Variants in SGCE observed in about 807,000 individuals in gnomAD.
The protein encoded by SGCE is sarcoglycan epsilon.
Under a neutral mutation model 57.8 loss-of-function variants are expected in SGCE, and 26 were observed. The observed-to-expected ratio is 0.45, with a 90% CI of 0.33 to 0.62. The LOEUF (loss-of-function observed/expected upper bound fraction) is 0.62, where lower values mean the gene tolerates loss of function less well. SGCE is among the 20% of genes least tolerant of loss of function. The pLI, the probability that SGCE is intolerant of heterozygous loss-of-function variation, is 0.02. For synonymous variants in SGCE, 183 were observed against 189.5 expected (o/e 0.97, Z 0.28); for missense variants, 468 against 548.6 (o/e 0.85, Z 1.47).
chr7:94,629,913 G>A (rs957341352), intron 1 of SGCE, 72 bp from the exon 2 acceptor site: 131 of 1,573,742 alleles, frequency 8.3e-5, no homozygotes, highest in Non-Finnish European at 1.1e-4. Context: ...TTCAGCTTAC[G>A]CTGTTTATAA....
At chr7:94,618,733 G>C in intron 5 of SGCE, 25 bp downstream of exon 5, 2 of 1,576,856 alleles carry the variant, frequency 1.3e-6, no homozygotes, top group Non-Finnish European at 1.7e-6. Context: ...CTATATTTAA[G>C]GCAATGAGAT....
intron 1 of SGCE, among the ~76,000 whole-genome samples, chr7:94,633,844 C>G (rs996336360): frequency 2.0e-5 from 3 of 152,172 alleles, no homozygotes; most frequent in Non-Finnish European, 4.4e-5. Flanking sequence ...TCACAATTCT[C>G]ACAATGATTA....
intron 3 of SGCE, chr7:94,625,537 T>A (rs1384143130): frequency 3.3e-5 from 5 of 152,114 alleles, no homozygotes; most frequent in African/African-American, 7.2e-5. Flanking sequence ...CTGGATTTGG[T>A]GTTTAACGAT....
chr7:94,595,488 G>T (rs961294155), intron 9 of SGCE, among the ~76,000 whole-genome samples: 1 of 152,110 alleles, frequency 6.6e-6, no homozygotes, highest in African/African-American at 2.4e-5. Flanking sequence ...TAGTATGAAT[G>T]TGAAGATGAA....
chr7:94,654,831 CTG>C (rs1457696747), intron 1 of SGCE, among the ~76,000 whole-genome samples: 3 of 152,192 alleles, frequency 2.0e-5, no homozygotes. Flanking sequence ...AGCGTTTCAT[CTG>C]TGTTTCAGAA....
intron 1 of SGCE, chr7:94,639,366 T>G: frequency 6.5e-7 from 1 of 1,534,372 alleles, no homozygotes; most frequent in Non-Finnish European, 8.7e-7. Flanking sequence ...CAGCCATTTT[T>G]CTGCTGATAA....
chr7:94,628,388 A>C, intron 2 of SGCE, 29 bp from the exon 3 acceptor site: 1 of 1,560,194 alleles, frequency 6.4e-7, no homozygotes, highest in Non-Finnish European at 8.8e-7. Flanking sequence ...ATTAAGACAT[A>C]AGACAGTTAT....
At position 94,588,155 on chromosome 7, in the gene SGCE, G is replaced by A. The variant is rs1003755625; in HGVS notation, c.1297+534C>T. ...CACTTGAAAGAAATAAAGAAAGCAA[G>A]TCTTAGGGAAATAGAATAATCCAAG... On this transcript the variant is annotated intron_variant, in intron 10 of 10. Coordinates refer to ENST00000648936, the MANE Select transcript of SGCE (RefSeq NM_003919.3). 4 of 1,116,890 alleles carry A rather than the reference G, an allele frequency of 3.6e-6. No individual in the cohort carries two copies. In the African/African-American group the frequency reaches 4.9e-5, roughly 14 times the overall value. 69.2% of individuals were successfully genotyped at this position (1,116,890 alleles called of 1,614,324 possible).
chr7:94,586,243 G>T (rs940697361), intron 10 of SGCE, among the ~76,000 whole-genome samples: 2 of 152,042 alleles, frequency 1.3e-5, no homozygotes, highest in Admixed American at 1.3e-4. Flanking sequence ...GAAAACTCCA[G>T]TTACTGTTTG....
At chr7:94,644,582 A>G (rs1181733368) in intron 1 of SGCE, 1 of 1,166,958 alleles carries the variant, frequency 8.6e-7, no homozygotes, top group African/African-American at 1.6e-5. Context: ...GCCAAATGAA[A>G]TTTAATCTGA....
At position 94,618,814 on chromosome 7, in the gene SGCE, TG is replaced by T; in HGVS notation, c.605del (p.Thr202AsnfsTer4). ...CCCTGCCACCCCTGTCTAGGGCCGA[TG>T]TGATGTTTATGGCGTTCAGGCGCTC... ...QPERLNAINI[T>X]SALDRGGRVP... On this transcript the variant is annotated frameshift_variant, in exon 5 of 11. Coordinates refer to ENST00000648936, the MANE Select transcript of SGCE (RefSeq NM_003919.3). LOFTEE classifies it high-confidence loss of function. 6.2e-7 allele frequency: 1 copy of T among 1,614,112 alleles called. No homozygotes were observed. Among genetic ancestry groups the T allele is most frequent in the Non-Finnish European group, 8.5e-7 (1 of 1,179,976 alleles).
chr7:94,648,300 G>A (rs550569662), intron 1 of SGCE, among the ~76,000 whole-genome samples: 3 of 149,184 alleles, frequency 2.0e-5, no homozygotes, highest in African/African-American at 4.9e-5. Context: ...ACTTGAACCC[G>A]GGAGGCGGAG....
chr7:94,623,203 T>C (rs987628891), intron 4 of SGCE, 122 bp downstream of exon 4: 3 of 600,730 alleles, frequency 5.0e-6, no homozygotes, highest in Non-Finnish European at 8.8e-6. Flanking sequence ...TATATCTTAT[T>C]ATTTCATCAG....
intron 3 of SGCE, chr7:94,624,029 CAA>C (rs537194183): frequency 1.2e-3 from 484 of 393,586 alleles, no homozygotes; most frequent in Admixed American, 2.2e-3. Flanking sequence ...AGACTTACAT[CAA>C]AGTCAATTCA....
At chr7:94,624,191 GTCAAAATC>G in intron 3 of SGCE, 3 of 393,588 alleles carry the variant, frequency 7.6e-6, no homozygotes, top group Non-Finnish European at 1.3e-5. Flanking sequence ...AAATGATTGT[GTCAAAATC>G]TTAGAATCCC....
At chr7:94,603,533 T>TA (rs2116726105) in intron 5 of SGCE, 81 bp from the exon 6 acceptor site, 1 of 1,371,112 alleles carries the variant, frequency 7.3e-7, no homozygotes, top group African/African-American at 1.4e-5. Context: ...AAGCAGGATT[T>TA]AGCCTTTTGA....
At chr7:94,586,428 G>A (rs1246784018) in intron 10 of SGCE, 3 of 152,100 alleles carry the variant, frequency 2.0e-5, no homozygotes, top group Non-Finnish European at 4.4e-5. Context: ...TGAACAGAAT[G>A]GAAATAAGGA....
At chr7:94,650,169 G>T (rs1807680172) in intron 1 of SGCE, among the ~76,000 whole-genome samples, 1 of 152,172 alleles carries the variant, frequency 6.6e-6, no homozygotes, top group Non-Finnish European at 1.5e-5. Flanking sequence ...AAAAACATTT[G>T]ATAAAAATAT....
chr7:94,628,087 A>C, intron 3 of SGCE, 115 bp downstream of exon 3: 4 of 759,962 alleles, frequency 5.3e-6, no homozygotes, highest in Non-Finnish European at 6.7e-6. Context: ...AAAATATTAA[A>C]AACCACCATC....
Sources: allele counts gnomAD v4.1 joint callset (sites outside exome capture counted in the v4.1 genomes callset), GRCh38; gene constraint gnomAD v4.1.1; transcripts MANE v1.5; gene names NCBI Gene and HGNC (gene_info 2026-07-23, HGNC 2026-07-21).